Variants in CHADL observed in about 807,000 individuals in gnomAD.
CHADL encodes chondroadherin like, also known as chondroadherin-like protein.
Under a neutral mutation model 52.1 loss-of-function variants are expected in CHADL, and 48 were observed. That is an observed-to-expected ratio of 0.92 (90% CI 0.73 to 1.17). CHADL has a LOEUF of 1.17. Among genes scored for constraint, CHADL ranks in the 50% most tolerant of loss-of-function variants. The pLI, the probability that CHADL is intolerant of heterozygous loss-of-function variation, is 0.00. For missense variants in CHADL, 977 were observed against 1,035.1 expected, an observed-to-expected ratio of 0.94 and a Z score of 0.77; for synonymous variants, 498 against 511.2, an observed-to-expected ratio of 0.97 and a Z score of 0.35.
chr22:41,234,452 G>A (rs1351251752), intron 5 of CHADL, among the ~76,000 whole-genome samples: 2 of 151,496 alleles, frequency 1.3e-5, no homozygotes, highest in East Asian at 3.9e-4. Context: ...CGTGATCTCT[G>A]CTCACTGCAA....
intron 5 of CHADL, chr22:41,231,332 G>A (rs148528367): frequency 9.1e-4 from 139 of 152,286 alleles, no homozygotes; most frequent in African/African-American, 3.1e-3. Context: ...CCCCCACCTC[G>A]TGGTATCGAT....
At position 41,237,888 on chromosome 22, in the gene CHADL, G is replaced by A. The variant is rs1369048841; in HGVS notation, c.1184C>T (p.Pro395Leu). The A allele has an allele frequency of 7.5e-7, 1 of 1,326,628 alleles. No individual in the cohort carries two copies. Among genetic ancestry groups the A allele is most frequent in the Admixed American group, 3.7e-5 (1 of 27,304 alleles). The allele number at this position is 1,326,628 out of a possible 1,614,324, so 82.2% of individuals were successfully genotyped here. ...RGPGEERAVA[P>L]CPRACVCVPE... ...GACGCACACGCAGGCGCGAGGGCAA[G>A]GCGCGACTGCCCGCTCCTCCCCGGG... The change falls in exon 3 of 6, where the codon CCT becomes CTT. Residue 395 changes from proline to leucine, a missense_variant. By Grantham distance (98) the Pro-to-Leu change is moderately conservative (BLOSUM62 -3). Transcript: ENST00000216241.
In CHADL at chr22:41,238,630, C is replaced by T. The variant is rs779312025; in HGVS notation, c.442G>A (p.Glu148Lys). The T allele has an allele frequency of 1.3e-6, 2 of 1,544,460 alleles. No homozygotes were observed. The highest frequency in any genetic ancestry group is 8.7e-7 in the Non-Finnish European group (1 of 1,146,442). ...GCCCCGAACGTCCCCGGCCGCAGCT[C>T]CTCCAGTGCGTTCCCCTCCAGCTCC... ...RLELEGNALE[E>K]LRPGTFGALG... Residue 148 changes from glutamate (E) to lysine (K), a missense_variant, in exon 3 of 6, where the codon GAG becomes AAG. Glu to Lys is a moderately conservative substitution (Grantham distance 56). Transcript: ENST00000216241. The surrounding 1 kb of genome is among the most constrained non-coding windows in gnomAD (Gnocchi z 4.9).
Position 41,238,062 on chromosome 22 carries a change from T to A in CHADL, c.1010A>T (p.Gln337Leu), listed in dbSNP as rs1228690612. 5.4e-5 allele frequency: 69 copies of A among 1,272,266 alleles called. No homozygotes were observed. Among genetic ancestry groups the A allele is most frequent in the Non-Finnish European group, 6.7e-5 (68 of 1,017,642 alleles). The allele number at this position is 1,272,266 out of a possible 1,614,324, so 78.8% of individuals were successfully genotyped here. Residue 337 changes from glutamine to leucine, a missense_variant, in exon 3 of 6, where the codon CAG becomes CTG. Gln to Leu is a moderately radical substitution (Grantham distance 113). Transcript: ENST00000216241. The surrounding 1 kb of genome is among the most constrained non-coding windows in gnomAD (Gnocchi z 4.9). ...RARVRSDGAC[Q>L]GPRRLRGEAL... ...CTCGCCCCGCAGGCGCCGCGGCCCC[T>A]GGCACGCGCCGTCCGAGCGCACGCG...
chr22:41,236,663 G>T lies in CHADL; in HGVS notation c.1897-13C>A, dbSNP rs1349367618. The T allele has an allele frequency of 3.9e-6, 6 of 1,543,826 alleles. No homozygotes were observed. The highest frequency in any genetic ancestry group is 2.0e-5 in the Admixed American group (1 of 50,702). ...CCCCAGGACAAATCTGCAAGGAGTT[G>T]CCAGGCCCCAATGTGAGCTCCTGGC... On this transcript the variant is annotated splice_polypyrimidine_tract_variant and intron_variant, in intron 3 of 5. Transcript: ENST00000216241.
At position 41,239,478 on chromosome 22, in the gene CHADL, G is replaced by T; in HGVS notation, c.151C>A (p.Gln51Lys). The T allele has an allele frequency of 6.4e-7, 1 of 1,550,918 alleles. No individual in the cohort carries two copies. Reference sequence around the variant, plus strand: ...GCGTCTGGCACCTCAGTGAGGTTCTGGTACCGGCAGGCAACGTGTCGCCTG... The same window carrying T: ...GCGTCTGGCACCTCAGTGAGGTTCTTGTACCGGCAGGCAACGTGTCGCCTG... ...NSRRHVACRY[Q>K]NLTEVPDAIP... Residue 51 changes from glutamine (Q) to lysine (K), a missense_variant, in exon 2 of 6, where the codon CAG (glutamine) becomes AAG (lysine). Physicochemically the swap from Gln to Lys is moderately conservative, Grantham distance 53. Transcript: ENST00000216241.
intron 5 of CHADL, chr22:41,230,108 G>A (rs772783005): frequency 4.6e-5 from 18 of 389,418 alleles, no homozygotes; most frequent in South Asian, 1.2e-4. Flanking sequence ...TTATTTACTC[G>A]CCCACCCACC....
Position 41,238,724 on chromosome 22 carries a change from G to A in CHADL, c.348C>T (p.Asn116=). ...GCTCACGCAGGTGGTTGGAGGCCAG[G>A]TTGAGCAGGAGCAGGCGGCCCAGGC... is the stretch of plus-strand genomic sequence containing the variant. ...FRGLGRLLLL[N]LASNHLRELP... is the part of the protein sequence containing the mutation. Residue 116 remains asparagine, a synonymous_variant, in exon 3 of 6, where the codon AAC becomes AAT. Coordinates refer to ENST00000216241, the MANE Select transcript of CHADL (RefSeq NM_138481.2). The surrounding 1 kb of genome is among the most constrained non-coding windows in gnomAD (Gnocchi z 4.9). 6.5e-7 allele frequency: 1 copy of A among 1,548,322 alleles called. No individual in the cohort carries two copies. The highest frequency in any genetic ancestry group is 8.7e-7 in the Non-Finnish European group (1 of 1,146,564).
At position 41,237,695 on chromosome 22, in the gene CHADL, G is replaced by A. The variant is rs1027694501; in HGVS notation, c.1377C>T (p.Cys459=). The A allele has an allele frequency of 4.5e-6, 7 of 1,541,880 alleles. No individual in the cohort carries two copies. The Admixed American group carries it at 1.0e-4, about 22-fold the overall frequency. The change falls in exon 3 of 6, where the codon TGC becomes TGT. Residue 459 remains cysteine (C), a synonymous_variant. Coordinates refer to ENST00000216241, the MANE Select transcript of CHADL (RefSeq NM_138481.2). ...CGCCCGCTTCCAGCTCCGCGATGCC[G>A]CAGTGCTGCAGGTGCAGCGACACCA... ...GHLVSLHLQH[C]GIAELEAGAL...
In CHADL at chr22:41,239,483, C is replaced by T. The variant is rs986055199; in HGVS notation, c.146G>A (p.Arg49Gln). 1.7e-5 allele frequency: 26 copies of T among 1,550,754 alleles called. No homozygotes were observed. The highest frequency in any genetic ancestry group is 9.8e-5 in the East Asian group (4 of 40,888). Residue 49 changes from arginine to glutamine, a missense_variant, in exon 2 of 6, where the codon CGG becomes CAG. By Grantham distance (43) the Arg-to-Gln change is conservative. Transcript: ENST00000216241. ...CDNSRRHVAC[R>Q]YQNLTEVPDA... is the part of the protein sequence containing the mutation. ...TGGCACCTCAGTGAGGTTCTGGTACCGGCAGGCAACGTGTCGCCTGGAGTT... is the reference window on the plus strand; with the variant it reads ...TGGCACCTCAGTGAGGTTCTGGTACTGGCAGGCAACGTGTCGCCTGGAGTT...
At chr22:41,239,693 A>C (rs1445265645) in intron 1 of CHADL, 73 bp from the exon 2 acceptor site, 2 of 1,346,532 alleles carry the variant, frequency 1.5e-6, no homozygotes, top group African/African-American at 3.0e-5. Context: ...AGTCCCAGCC[A>C]TGGTGCAGCT....
At chr22:41,231,239 G>A (rs1008022154) in intron 5 of CHADL, 17 of 152,198 alleles carry the variant, frequency 1.1e-4, no homozygotes, top group African/African-American at 4.1e-4. Context: ...CCCAGACTCT[G>A]TGTGTGAGAA....
Position 41,239,464 on chromosome 22 carries a change from C to T in CHADL, c.165G>A (p.Glu55=). 6.4e-7 allele frequency: 1 copy of T among 1,550,974 alleles called. No homozygotes were observed. The highest frequency in any genetic ancestry group is 1.2e-5 in the South Asian group (1 of 84,016). ...TGACCTCAGGGATGGCGTCTGGCAC[C>T]TCAGTGAGGTTCTGGTACCGGCAGG... ...HVACRYQNLT[E]VPDAIPELTQ... Residue 55 remains glutamate (E), a synonymous_variant, in exon 2 of 6, where the codon GAG becomes GAA. Transcript: ENST00000216241.
At chr22:41,233,199 C>T (rs1164083817) in intron 5 of CHADL, among the ~76,000 whole-genome samples, 1 of 152,148 alleles carries the variant, frequency 6.6e-6, no homozygotes, top group South Asian at 2.1e-4. Flanking sequence ...CAGTGGCTCA[C>T]ACCTGTAATC....
rs1359457480 is a variant in CHADL, at chr22:41,239,533, G to A, written c.96C>T (p.Arg32=). ...TGTCACAGATGCAGGCCTGTGGGCA[G>A]CGCTGGGCGGCGGCCTGCCTAGCCG... ...LAPARQAAAQ[R]CPQACICDNS... is the part of the protein sequence containing the mutation. Residue 32 remains arginine, a synonymous_variant, in exon 2 of 6, where the codon CGC becomes CGT. Coordinates refer to ENST00000216241, the MANE Select transcript of CHADL (RefSeq NM_138481.2). 2 of 1,549,616 alleles carry A rather than the reference G, an allele frequency of 1.3e-6. No homozygotes were observed. The highest frequency in any genetic ancestry group is 2.4e-5 in the East Asian group (1 of 40,892).
chr22:41,238,791 C>T lies in CHADL; in HGVS notation c.281G>A (p.Arg94His), dbSNP rs1380433202. ...GGCCACCAGCTCCACCTCGCAGTGG[C>T]GCAGGTCCAGGTGTGTGAGGTGAGG... is the stretch of plus-strand genomic sequence containing the variant. The part of the protein sequence containing the change: ...GVPHLTHLDL[R>H]HCEVELVAEG... Residue 94 changes from arginine (R) to histidine (H), a missense_variant, in exon 3 of 6, where the codon CGC becomes CAC. Transcript: ENST00000216241. The surrounding 1 kb of genome is among the most constrained non-coding windows in gnomAD (Gnocchi z 4.9). 3.2e-6 allele frequency: 5 copies of T among 1,549,692 alleles called. No homozygotes were observed. In the South Asian group the frequency reaches 5.9e-5, roughly 18 times the overall value.
intron 3 of CHADL, 129 bp downstream of exon 3, chr22:41,237,047 T>C: frequency 1.0e-6 from 1 of 996,358 alleles, no homozygotes; most frequent in Non-Finnish European, 1.4e-6. Context: ...TCCTGGTTTA[T>C]CTCAGGGTCC....
In CHADL at chr22:41,237,286, G is replaced by A; in HGVS notation, c.1786C>T (p.Leu596=). 6.4e-7 allele frequency: 1 copy of A among 1,550,616 alleles called. No individual in the cohort carries two copies. The highest frequency in any genetic ancestry group is 8.7e-7 in the Non-Finnish European group (1 of 1,146,954). The change falls in exon 3 of 6, where the codon CTG becomes TTG. Residue 596 remains leucine, a synonymous_variant. Transcript: ENST00000216241. ...GGGTTGCCCGAGAGCTGCAGCTCCA[G>A]GAGGGCAGGCAGCCCCTCCAAGGCC... The part of the protein sequence containing the change: ...TGALEGLPAL[L]ELQLSGNPLR...
chr22:41,234,648 G>A lies in CHADL; in HGVS notation c.2262+497C>T, dbSNP rs978490303. On this transcript the variant is annotated intron_variant, in intron 5 of 5. Transcript: ENST00000216241. Reference sequence around the variant, plus strand: ...CGCTCACTGCAAGGTCCACCTCCTGGGCTCACGCCATTCTCCTGCCTCAGC... The same window carrying A: ...CGCTCACTGCAAGGTCCACCTCCTGAGCTCACGCCATTCTCCTGCCTCAGC... Among the ~76,000 whole-genome samples the A allele has an allele frequency of 3.2e-4, 49 of 151,994 alleles. 1 individual carries two copies. The highest frequency in any genetic ancestry group is 1.2e-3 in the African/African-American group (49 of 41,420).
Sources: allele counts gnomAD v4.1 joint callset (sites outside exome capture counted in the v4.1 genomes callset), GRCh38; gene constraint gnomAD v4.1.1; non-coding constraint Gnocchi (gnomAD v3.1); transcripts MANE v1.5; gene names NCBI Gene and HGNC (gene_info 2026-07-23, HGNC 2026-07-21).